TENM3: variants seen among roughly 807,000 people sequenced by gnomAD.
TENM3 encodes teneurin-3.
TENM3 carries 63 observed loss-of-function variants against 255.1 expected under a neutral mutation model. The observed-to-expected ratio is 0.25, with a 90% CI of 0.20 to 0.30. TENM3 has a LOEUF of 0.30. Ranked by LOEUF, TENM3 falls within the 10% of genes least tolerant of loss-of-function variation. The pLI is 1.00. For missense variants in TENM3, 2,929 were observed against 3,461.1 expected (o/e 0.85, Z 3.86); for synonymous variants, 1,306 against 1,322.3 (o/e 0.99, Z 0.27).
chr4:181,609,534 T>C, the TENM3 span, among the ~76,000 whole-genome samples: 2 of 152,244 alleles, frequency 1.3e-5, no homozygotes, highest in African/African-American at 4.8e-5. Flanking sequence ...ATGAGCCTGA[T>C]TCAATTTCCT....
intron 1 of TENM3, among the ~76,000 whole-genome samples, chr4:182,250,311 C>T (rs1286538403): frequency 6.9e-6 from 1 of 144,528 alleles, no homozygotes; most frequent in South Asian, 2.1e-4. Context: ...CTTAGCCTCC[C>T]AAAGTGCTGG....
At chr4:182,755,433 T>C in intron 22 of TENM3, 174 bp downstream of exon 22, 1 of 600,332 alleles carries the variant, frequency 1.7e-6, no homozygotes, top group Non-Finnish European at 2.8e-6. Flanking sequence ...TCTCAGCTCC[T>C]GGGGAGGCTG....
the TENM3 span, among the ~76,000 whole-genome samples, chr4:182,015,328 C>T: frequency 6.6e-6 from 1 of 152,270 alleles, no homozygotes; most frequent in Admixed American, 6.5e-5. Flanking sequence ...CATACAGCTC[C>T]TCCAATCGCC....
At chr4:182,326,432 C>T (rs114054911) in intron 2 of TENM3, among the ~76,000 whole-genome samples, 1,965 of 152,290 alleles carry the variant, frequency 0.013, 24 homozygotes, top group South Asian at 0.041. Flanking sequence ...TGGTTCTGGC[C>T]TGGCTTCTAA....
intron 7 of TENM3, among the ~76,000 whole-genome samples, chr4:182,678,434 G>A (rs562453595): frequency 2.0e-5 from 3 of 152,270 alleles, no homozygotes; most frequent in African/African-American, 7.2e-5. Flanking sequence ...GATCAAAGAT[G>A]TAAAGGCATC....
chr4:182,174,599 A>T (rs1752337548), intron 1 of TENM3, among the ~76,000 whole-genome samples: 1 of 152,060 alleles, frequency 6.6e-6, no homozygotes, highest in Admixed American at 6.6e-5. Flanking sequence ...TATTGGAAAC[A>T]GTTAAATACT....
At chr4:181,811,043 T>A in the TENM3 span, among the ~76,000 whole-genome samples, 1 of 152,240 alleles carries the variant, frequency 6.6e-6, no homozygotes, top group East Asian at 1.9e-4. Flanking sequence ...AGAAGCAGCA[T>A]ATGGAGAGAT....
the TENM3 span, among the ~76,000 whole-genome samples, chr4:181,719,022 A>C: frequency 1.3e-5 from 2 of 151,476 alleles, no homozygotes; most frequent in Non-Finnish European, 2.9e-5. Flanking sequence ...CTGGCTAACA[A>C]GGTGAAACCC....
the TENM3 span, among the ~76,000 whole-genome samples, chr4:181,971,592 C>T: frequency 3.3e-5 from 5 of 151,586 alleles, no homozygotes; most frequent in East Asian, 3.9e-4. Flanking sequence ...TTGGAGACAG[C>T]GTCTCACCCT....
chr4:182,252,281 T>A lies in TENM3; in HGVS notation c.-76+8805T>A, dbSNP rs373673036. On this transcript the variant is annotated intron_variant, in intron 1 of 27. Transcript: ENST00000511685. Reference sequence around the variant, plus strand: ...ATTTAAGTATACACACGACTTTCTTTCATTATGCTCCTTATGAGTCAAACA... The same window carrying A: ...ATTTAAGTATACACACGACTTTCTTACATTATGCTCCTTATGAGTCAAACA... Among the ~76,000 whole-genome samples the A allele has an allele frequency of 2.0e-4, 31 of 152,284 alleles. No homozygotes were observed. In the East Asian group the frequency reaches 2.3e-3, roughly 11 times the overall value.
chr4:182,043,031 G>A, the TENM3 span, among the ~76,000 whole-genome samples: 101 of 151,778 alleles, frequency 6.7e-4, 1 homozygote, highest in African/African-American at 2.2e-3. Flanking sequence ...GTAATTTTGC[G>A]TAAAATAGCA....
chr4:182,434,427 C>A (rs969146916), intron 3 of TENM3, among the ~76,000 whole-genome samples: 1 of 152,062 alleles, frequency 6.6e-6, no homozygotes, highest in Admixed American at 6.6e-5. Context: ...CTTTGGGAGG[C>A]CAAGATGGGT....
At chr4:181,821,267 G>A in the TENM3 span, among the ~76,000 whole-genome samples, 1 of 152,076 alleles carries the variant, frequency 6.6e-6, no homozygotes, top group Non-Finnish European at 1.5e-5. Context: ...TGGCCCTCTC[G>A]TCCAGGCATA....
chr4:181,703,254 T>C, the TENM3 span, among the ~76,000 whole-genome samples: 1 of 152,326 alleles, frequency 6.6e-6, no homozygotes, highest in Middle Eastern at 3.4e-3. Flanking sequence ...AGTCGTACAT[T>C]GCATAGAAAT....
intron 3 of TENM3, among the ~76,000 whole-genome samples, chr4:182,352,539 C>T (rs1205181178): frequency 6.6e-6 from 1 of 152,038 alleles, no homozygotes; most frequent in Non-Finnish European, 1.5e-5. Context: ...TACCTGTTGT[C>T]GGACCCCACT....
At chr4:181,706,009 A>G in the TENM3 span, among the ~76,000 whole-genome samples, 1 of 152,194 alleles carries the variant, frequency 6.6e-6, no homozygotes, top group African/African-American at 2.4e-5. Context: ...TGTAACAAAT[A>G]CTGGATGGCT....
chr4:181,537,656 G>A, the TENM3 span, among the ~76,000 whole-genome samples: 4 of 152,236 alleles, frequency 2.6e-5, no homozygotes, highest in East Asian at 7.7e-4. Context: ...TGATAAAGAT[G>A]GCATTAACTT....
the TENM3 span, among the ~76,000 whole-genome samples, chr4:181,572,987 T>G: frequency 6.6e-6 from 1 of 152,178 alleles, no homozygotes; most frequent in Non-Finnish European, 1.5e-5. Flanking sequence ...AATGAGAACA[T>G]GTGAAGTTTG....
At chr4:182,564,940 T>C (rs958422091) in intron 3 of TENM3, among the ~76,000 whole-genome samples, 1 of 152,236 alleles carries the variant, frequency 6.6e-6, no homozygotes, top group Non-Finnish European at 1.5e-5. Flanking sequence ...ACAGTATAAA[T>C]ATCTTAAATG....
Sources: gnomAD v4.1 joint callset for allele counts (sites outside exome capture counted in the v4.1 genomes callset) on GRCh38, gnomAD v4.1.1 for gene constraint, MANE v1.5 for transcripts, NCBI Gene and HGNC (gene_info 2026-07-23, HGNC 2026-07-21) for gene names.